CCND3: variants seen among roughly 807,000 people sequenced by gnomAD.
CCND3 encodes G1/S-specific cyclin-D3.
Under a neutral mutation model 28.7 loss-of-function variants are expected in CCND3, and 9 were observed. The observed-to-expected ratio is 0.31, with a 90% CI of 0.19 to 0.55. The LOEUF (loss-of-function observed/expected upper bound fraction) is 0.55. Among genes scored for constraint, CCND3 ranks in the 20% least tolerant of loss-of-function variants. The probability of loss-of-function intolerance (pLI) is 0.93; values close to 1 mark genes in which losing one functional copy is unlikely to be tolerated. For synonymous variants in CCND3, 164 were observed against 163.9 expected, an observed-to-expected ratio of 1.00 and a Z score of 0.00; for missense variants, 315 against 385.8, an observed-to-expected ratio of 0.82 and a Z score of 1.54.
chr6:42,008,346 C>G (rs1400765887), intron 1 of CCND3, among the ~76,000 whole-genome samples: 1 of 152,054 alleles, frequency 6.6e-6, no homozygotes, highest in East Asian at 1.9e-4. Flanking sequence ...CCGCTGCATT[C>G]CAGCCTGGGC....
chr6:41,956,270 C>T (rs1278851293), intron 1 of CCND3, among the ~76,000 whole-genome samples: 3 of 151,806 alleles, frequency 2.0e-5, no homozygotes, highest in East Asian at 1.9e-4. Context: ...CCAGCCTGGG[C>T]GACAGAGCGA....
intron 1 of CCND3, among the ~76,000 whole-genome samples, chr6:42,015,361 A>G (rs1763469555): frequency 6.6e-6 from 1 of 152,160 alleles, no homozygotes; most frequent in Non-Finnish European, 1.5e-5. Flanking sequence ...AGTGCTTGAT[A>G]TACATTACCT....
chr6:42,015,530 G>A (rs1002945048), intron 1 of CCND3, among the ~76,000 whole-genome samples: 3 of 152,088 alleles, frequency 2.0e-5, no homozygotes, highest in Non-Finnish European at 4.4e-5. Context: ...CTAACACGGT[G>A]AAATCTCGTC....
At chr6:42,028,197 G>A (rs1168134225) in intron 1 of CCND3, among the ~76,000 whole-genome samples, 2 of 152,220 alleles carry the variant, frequency 1.3e-5, no homozygotes, top group Non-Finnish European at 2.9e-5. Context: ...GGAATACGGA[G>A]GACACAGCTG....
chr6:42,009,262 GC>G (rs1409876272), intron 1 of CCND3, among the ~76,000 whole-genome samples: 38 of 152,138 alleles, frequency 2.5e-4, no homozygotes, highest in Admixed American at 2.4e-3. Context: ...GATTGCCTGA[GC>G]CCAGGAGTTC....
intron 1 of CCND3, among the ~76,000 whole-genome samples, chr6:41,956,365 G>A (rs1039648579): frequency 6.6e-6 from 1 of 152,150 alleles, no homozygotes; most frequent in East Asian, 1.9e-4. Flanking sequence ...AGTTCAGTGG[G>A]CAGAACTAGG....
chr6:41,944,588 AT>A (rs1776123640), upstream of CCND3, among the ~76,000 whole-genome samples: 1 of 151,902 alleles, frequency 6.6e-6, no homozygotes. Flanking sequence ...TGCCCGGCTA[AT>A]TTTTGTATTT....
At chr6:42,024,661 T>C (rs1357169847) in intron 1 of CCND3, among the ~76,000 whole-genome samples, 1 of 152,056 alleles carries the variant, frequency 6.6e-6, no homozygotes, top group East Asian at 1.9e-4. Flanking sequence ...TGGCTCACGC[T>C]TGTAATTCCA....
At chr6:41,947,244 G>A (rs1248848718) in intron 1 of CCND3, among the ~76,000 whole-genome samples, 4 of 151,306 alleles carry the variant, frequency 2.6e-5, no homozygotes, top group African/African-American at 7.3e-5. Flanking sequence ...GAAAAGAAAA[G>A]AAACAGCCTG....
Position 41,990,671 on chromosome 6 carries a change from T to A in CCND3, c.-45-50086A>T, listed in dbSNP as rs1420863225. Among the ~76,000 whole-genome samples the A allele has an allele frequency of 5.2e-4, 43 of 83,472 alleles. 2 individuals carry two copies. The highest frequency in any genetic ancestry group is 2.9e-3 in the East Asian group (8 of 2,796). 54.8% of individuals were successfully genotyped at this position (83,472 alleles called of 152,430 possible). On this transcript the variant is annotated intron_variant, in intron 1 of 4. Transcript: ENST00000372988. ...TCTATAACCAACTGATTTTTTTTTT[T>A]TTTTTTTTTTTTTTTTTTTTGTGAT...
rs79033484 is a variant in CCND3, at chr6:41,994,281, A to G, written c.-45-53696T>C. On this transcript the variant is annotated intron_variant, in intron 1 of 4. Coordinates refer to the CCND3 transcript ENST00000372988. ...GCTATCCCATATAGTCTAGGGGTGT[A>G]GGAGGCTATTCCATCTAGGTTTGTG... Among the ~76,000 whole-genome samples, 294 of 152,138 alleles carry G rather than the reference A, an allele frequency of 1.9e-3. 2 individuals are homozygous for G. Among genetic ancestry groups the G allele is most frequent in the African/African-American group, 6.5e-3 (271 of 41,534 alleles).
At chr6:41,969,515 C>CA (rs202114696) in intron 1 of CCND3, among the ~76,000 whole-genome samples, 2,523 of 148,100 alleles carry the variant, frequency 0.017, 78 homozygotes, top group Admixed American at 0.08. Flanking sequence ...GACTCGGACT[C>CA]AAAAAAAAAC....
At chr6:41,961,826 C>T (rs143379285) in intron 1 of CCND3, among the ~76,000 whole-genome samples, 1 of 152,192 alleles carries the variant, frequency 6.6e-6, no homozygotes, top group Non-Finnish European at 1.5e-5. Context: ...CTGTCCCTGT[C>T]CCTTCTCTTG....
rs1196426682 is a variant in CCND3, at chr6:42,041,703, T to C, written c.-46+6798A>G. Among the ~76,000 whole-genome samples, 6 of 152,274 alleles carry C rather than the reference T, an allele frequency of 3.9e-5. No homozygotes were observed. In the South Asian group the frequency reaches 6.2e-4, roughly 16 times the overall value. On this transcript the variant is annotated intron_variant, in intron 1 of 4. Coordinates refer to the CCND3 transcript ENST00000372988. ...TTGCCAGAGTAGAATAAACCTCCCC[T>C]GGGCCTTATTCCCAGTGGATTCCAC... is the stretch of plus-strand genomic sequence containing the variant.
At chr6:42,009,593 C>T (rs1453301422) in intron 1 of CCND3, among the ~76,000 whole-genome samples, 1 of 151,566 alleles carries the variant, frequency 6.6e-6, no homozygotes, top group East Asian at 1.9e-4. Flanking sequence ...GTCTGGGCAA[C>T]AAGACCGAAA....
At chr6:42,049,440 AG>A (rs1445284934), upstream of CCND3, among the ~76,000 whole-genome samples, 1 of 152,184 alleles carries the variant, frequency 6.6e-6, no homozygotes, top group African/African-American at 2.4e-5. Flanking sequence ...AGACACACTG[AG>A]GATTAAGGTC....
Position 42,003,162 on chromosome 6 carries a change from C to CAG in CCND3, c.-46+45338_-46+45339insCT, listed in dbSNP as rs1554165223. ...GGACAACAAGAGCGAAACAGCGTGT[C>CAG]AAAAAAAAAAAAAAGAGAAATATTC... On this transcript the variant is annotated intron_variant, in intron 1 of 4. Transcript: ENST00000372988. Among the ~76,000 whole-genome samples, 5 of 110,348 alleles carry CAG rather than the reference C, an allele frequency of 4.5e-5. 1 individual carries two copies. The highest frequency in any genetic ancestry group is 4.0e-4 in the Admixed American group (4 of 10,106). The allele number at this position is 110,348 out of a possible 152,430, so 72.4% of individuals were successfully genotyped here.
intron 1 of CCND3, among the ~76,000 whole-genome samples, chr6:42,042,131 G>C (rs1258592609): frequency 2.0e-5 from 3 of 152,232 alleles, no homozygotes; most frequent in Non-Finnish European, 4.4e-5. Context: ...TTTTAGAAAA[G>C]AGGATAACAT....
rs78535061 is a variant in CCND3, at chr6:42,038,543, TA to T, written c.-46+9957del. ...TGACAGAGTGAGACCCCATCTCAAC[TA>T]AAAAAAAAAAAAAGCAAGAAGAGGG... On this transcript the variant is annotated intron_variant, in intron 1 of 4. Coordinates refer to the CCND3 transcript ENST00000372988. Among the ~76,000 whole-genome samples, 707 of 120,840 alleles carry T rather than the reference TA, an allele frequency of 5.9e-3. 7 individuals are homozygous for T. The highest frequency in any genetic ancestry group is 9.0e-3 in the Middle Eastern group (2 of 222). 79.3% of individuals were successfully genotyped at this position (120,840 alleles called of 152,430 possible). A position where few individuals can be genotyped will look rare whatever the true frequency, so the allele number is the denominator to read the frequency against.
Sources: gnomAD v4.1 joint callset for allele counts (sites outside exome capture counted in the v4.1 genomes callset) on GRCh38, gnomAD v4.1.1 for gene constraint, MANE v1.5 for transcripts, NCBI Gene and HGNC (gene_info 2026-07-23, HGNC 2026-07-21) for gene names.